Variants in RAB27B observed in about 807,000 individuals in gnomAD.
The protein encoded by RAB27B is ras-related protein Rab-27B.
RAB27B carries 15 observed loss-of-function variants against 24.6 expected under a neutral mutation model. That is an observed-to-expected ratio of 0.61 (90% CI 0.41 to 0.94). The LOEUF (loss-of-function observed/expected upper bound fraction) is 0.94, where lower values mean the gene tolerates loss of function less well. Ranked by LOEUF, RAB27B falls within the 40% of genes least tolerant of loss-of-function variation. The pLI is 0.00. For missense variants in RAB27B, 261 were observed against 266.8 expected (o/e 0.98, Z 0.15); for synonymous variants, 105 against 92.5 (o/e 1.14, Z -0.78).
chr18:54,830,401 T>G (rs150925195), intron 1 of RAB27B, among the ~76,000 whole-genome samples: 43 of 152,318 alleles, frequency 2.8e-4, no homozygotes, highest in African/African-American at 9.6e-4. Context: ...CGGCATGAAA[T>G]ATAGAACAAT....
At chr18:54,752,061 C>T (rs1907850677) in intron 2 of RAB27B, among the ~76,000 whole-genome samples, 1 of 152,168 alleles carries the variant, frequency 6.6e-6, no homozygotes, top group African/African-American at 2.4e-5. Flanking sequence ...GTTATTACTA[C>T]TTGCAGCCAT....
intron 2 of RAB27B, among the ~76,000 whole-genome samples, chr18:54,792,814 T>C (rs1909294696): frequency 6.6e-6 from 1 of 152,196 alleles, no homozygotes; most frequent in African/African-American, 2.4e-5. Flanking sequence ...AAAGTTCCGG[T>C]AGTACTCATA....
intron 1 of RAB27B, among the ~76,000 whole-genome samples, chr18:54,842,888 G>C (rs925214562): frequency 7.2e-5 from 11 of 152,068 alleles, no homozygotes; most frequent in African/African-American, 2.2e-4. Flanking sequence ...TCTGCCTCCC[G>C]GGTTCATGCC....
intron 4 of RAB27B, among the ~76,000 whole-genome samples, chr18:54,885,000 T>C (rs149775778): frequency 2.0e-5 from 3 of 152,280 alleles, no homozygotes; most frequent in East Asian, 1.9e-4. Flanking sequence ...GAGGAAACCA[T>C]GTAAAGACAA....
At chr18:54,872,542 T>G (rs1472246723) in intron 1 of RAB27B, among the ~76,000 whole-genome samples, 1 of 151,320 alleles carries the variant, frequency 6.6e-6, no homozygotes, top group Non-Finnish European at 1.5e-5. Flanking sequence ...GGAGAATGGC[T>G]TTAACTCGGG....
intron 5 of RAB27B, 101 bp from the exon 6 acceptor site, chr18:54,889,123 T>C (rs1338366048): frequency 8.7e-7 from 1 of 1,150,212 alleles, no homozygotes; most frequent in Non-Finnish European, 1.2e-6. Flanking sequence ...TTTCACAATC[T>C]CTCAGCCAGC....
intron 2 of RAB27B, among the ~76,000 whole-genome samples, chr18:54,800,781 C>T (rs1909576012): frequency 6.6e-6 from 1 of 151,972 alleles, no homozygotes; most frequent in Non-Finnish European, 1.5e-5. Flanking sequence ...CCATTGTAGT[C>T]ATTTTCTCTG....
intron 1 of RAB27B, among the ~76,000 whole-genome samples, chr18:54,863,676 C>G (rs998875036): frequency 6.6e-6 from 1 of 152,168 alleles, no homozygotes; most frequent in African/African-American, 2.4e-5. Flanking sequence ...CCCCAATCCT[C>G]CTCTCACCAG....
intron 2 of RAB27B, among the ~76,000 whole-genome samples, chr18:54,740,245 G>C (rs1833292): frequency 0.72 from 110,091 of 152,030 alleles, 40,695 homozygotes; most frequent in Middle Eastern, 0.85. Flanking sequence ...ATTTCTTATA[G>C]TTTCTATTAG....
intron 1 of RAB27B, among the ~76,000 whole-genome samples, chr18:54,836,082 A>C (rs1819887): frequency 0.31 from 46,727 of 151,752 alleles, 8,233 homozygotes; most frequent in African/African-American, 0.45. Context: ...CACTAGGTGC[A>C]GGTACACCAA....
intron 4 of RAB27B, among the ~76,000 whole-genome samples, chr18:54,886,369 C>G (rs535534740): frequency 3.3e-5 from 5 of 152,132 alleles, no homozygotes; most frequent in African/African-American, 9.6e-5. Flanking sequence ...TGGGTGAGTG[C>G]CTGGCACAGA....
At chr18:54,857,431 TA>T (rs1446165200) in intron 1 of RAB27B, among the ~76,000 whole-genome samples, 2 of 152,196 alleles carry the variant, frequency 1.3e-5, no homozygotes, top group South Asian at 2.1e-4. Context: ...AAATTATCAA[TA>T]AAAAAGAGCA....
intron 2 of RAB27B, among the ~76,000 whole-genome samples, chr18:54,800,754 T>A (rs1247259272): frequency 2.0e-5 from 3 of 152,144 alleles, no homozygotes; most frequent in Admixed American, 2.0e-4. Context: ...TAGCCTCTTG[T>A]TTATACTAAC....
intron 2 of RAB27B, among the ~76,000 whole-genome samples, chr18:54,800,442 C>T (rs1335127240): frequency 6.6e-6 from 1 of 152,196 alleles, no homozygotes; most frequent in Non-Finnish European, 1.5e-5. Context: ...TAGTGGTGCT[C>T]TTCCTCCTCC....
At chr18:54,810,044 T>C (rs559513051) in intron 2 of RAB27B, among the ~76,000 whole-genome samples, 55 of 152,336 alleles carry the variant, frequency 3.6e-4, no homozygotes, top group Admixed American at 9.8e-4. Flanking sequence ...AAAATATTAT[T>C]GAAAATATAC....
chr18:54,794,810 C>T (rs950299580), intron 2 of RAB27B, among the ~76,000 whole-genome samples: 2 of 152,192 alleles, frequency 1.3e-5, no homozygotes, highest in Non-Finnish European at 1.5e-5. Flanking sequence ...GTTTGTGTCC[C>T]TGCTTCTTTT....
In RAB27B at chr18:54,879,387, C is replaced by A; in HGVS notation, c.172C>A (p.Pro58Thr). The change falls in exon 3 of 6, where the codon CCG becomes ACG. Residue 58 changes from proline to threonine, a missense_variant. By Grantham distance (38) the Pro-to-Thr change is conservative. Coordinates refer to ENST00000262094, the MANE Select transcript of RAB27B (RefSeq NM_004163.4). ...CTTTCAGGTTTATAATGCACAAGGA[C>A]CGAATGGATCTTCAGGGAAAGCATT... ...EKRVVYNAQG[P>T]NGSSGKAFKV... 2 of 1,612,458 alleles carry A rather than the reference C, an allele frequency of 1.2e-6. No individual in the cohort carries two copies. Among genetic ancestry groups the A allele is most frequent in the Non-Finnish European group, 8.5e-7 (1 of 1,178,638 alleles).
chr18:54,797,154 C>A (rs1385187021), intron 2 of RAB27B, among the ~76,000 whole-genome samples: 1 of 152,160 alleles, frequency 6.6e-6, no homozygotes, highest in Non-Finnish European at 1.5e-5. Context: ...CATTTGAGTG[C>A]AAATGTGTGC....
In RAB27B at chr18:54,802,699, T is replaced by C. The variant is rs73960639; in HGVS notation, c.-19-74868T>C. 2.1e-3 allele frequency among the ~76,000 whole-genome samples: 318 copies of C among 152,340 alleles called. 1 individual carries two copies. The highest frequency in any genetic ancestry group is 7.4e-3 in the African/African-American group (308 of 41,578). ...AGAGAGTTTAAACATGTAAGCTCAA[T>C]TTGCTGTCTTGAAACTAGGAGAAGT... is the stretch of plus-strand genomic sequence containing the variant. On this transcript the variant is annotated intron_variant, in intron 2 of 4. Coordinates refer to the RAB27B transcript ENST00000586570.
Sources: allele counts gnomAD v4.1 joint callset (sites outside exome capture counted in the v4.1 genomes callset), GRCh38; gene constraint gnomAD v4.1.1; transcripts MANE v1.5; gene names NCBI Gene and HGNC (gene_info 2026-07-23, HGNC 2026-07-21).